Variants in NUP98 observed in about 807,000 individuals in gnomAD.
The protein encoded by NUP98 is nucleoporin 98 and 96 precursor, also known as nuclear pore complex protein Nup98-Nup96.
In NUP98, 26 loss-of-function variants were observed where a neutral mutation model predicts 191.9. The ratio of observed to expected loss-of-function variants is 0.14; its 90% CI spans 0.10 to 0.19. The LOEUF (loss-of-function observed/expected upper bound fraction) is 0.19, where lower values mean the gene tolerates loss of function less well. Among genes scored for constraint, NUP98 ranks in the 10% least tolerant of loss-of-function variants. NUP98 has a pLI of 1.00. For missense variants in NUP98, 1,941 were observed against 2,178.8 expected, an observed-to-expected ratio of 0.89 and a Z score of 2.17; for synonymous variants, 808 against 778.4, an observed-to-expected ratio of 1.04 and a Z score of -0.63.
rs375787731 is a variant in NUP98, at chr11:3,777,454, C to T, written c.355+1419G>A. On this transcript the variant is annotated intron_variant, in intron 4 of 32. Transcript: ENST00000324932. Reference sequence around the variant, plus strand: ...TGGCCAATATGGTGAAACCCCATCTCTACTAAAAATACAAAAATTAGCCAG... The same window carrying T: ...TGGCCAATATGGTGAAACCCCATCTTTACTAAAAATACAAAAATTAGCCAG... Among the ~76,000 whole-genome samples, 11 of 151,854 alleles carry T rather than the reference C, an allele frequency of 7.2e-5. No homozygotes were observed. In the South Asian group the frequency reaches 1.3e-3, roughly 17 times the overall value.
At chr11:3,718,668 T>C (rs1399868063) in intron 18 of NUP98, among the ~76,000 whole-genome samples, 1 of 152,224 alleles carries the variant, frequency 6.6e-6, no homozygotes, top group Non-Finnish European at 1.5e-5. Context: ...TGGTAGGTTA[T>C]GAAGATAAAT....
chr11:3,773,915 G>A (rs1482993365), intron 5 of NUP98, among the ~76,000 whole-genome samples, 176 bp from the exon 6 acceptor site: 1 of 152,100 alleles, frequency 6.6e-6, no homozygotes, highest in East Asian at 1.9e-4. Flanking sequence ...CCTACATCAA[G>A]GTTATCTGAA....
At chr11:3,749,940 T>C (rs1458734479) in intron 11 of NUP98, among the ~76,000 whole-genome samples, 2 of 152,220 alleles carry the variant, frequency 1.3e-5, no homozygotes, top group Non-Finnish European at 1.5e-5. Context: ...ATCTGAAATA[T>C]GCGTATATTC....
chr11:3,702,615 T>C lies in NUP98; in HGVS notation c.3360A>G (p.Leu1120=), dbSNP rs142363587. 3.2e-5 allele frequency: 52 copies of C among 1,613,934 alleles called. No homozygotes were observed. Among genetic ancestry groups the C allele is most frequent in the Non-Finnish European group, 4.1e-5 (48 of 1,180,010 alleles). Residue 1120 remains leucine, a synonymous_variant, in exon 23 of 33, where the codon CTA becomes CTG. Transcript: ENST00000324932. ...CAACACGAAATGAGCGTCCCATGAA[T>C]AGGGCCATGTCCATCAAGAGTTTTC... is the stretch of plus-strand genomic sequence containing the variant. The part of the protein sequence containing the change: ...GKGKLLMDMA[L]FMGRSFRVGW...
chr11:3,680,670 C>T (rs529319513), intron 30 of NUP98, among the ~76,000 whole-genome samples: 46 of 151,922 alleles, frequency 3.0e-4, no homozygotes, highest in Admixed American at 5.9e-4. Context: ...CTCAGCCTCC[C>T]GAATAGCTGC....
chr11:3,747,658 T>C (rs2080557647), intron 11 of NUP98, among the ~76,000 whole-genome samples: 1 of 152,210 alleles, frequency 6.6e-6, no homozygotes, highest in Non-Finnish European at 1.5e-5. Flanking sequence ...CATTTAATAT[T>C]TGTGTAACAA....
At chr11:3,730,395 C>A (rs2079798070) in intron 14 of NUP98, among the ~76,000 whole-genome samples, 1 of 151,366 alleles carries the variant, frequency 6.6e-6, no homozygotes, top group African/African-American at 2.4e-5. Flanking sequence ...CTCACTCTGT[C>A]ACCCAGGCTG....
chr11:3,715,145 C>T (rs1189509147), intron 18 of NUP98, among the ~76,000 whole-genome samples: 1 of 152,164 alleles, frequency 6.6e-6, no homozygotes, highest in Non-Finnish European at 1.5e-5. Flanking sequence ...TTGGCAGACA[C>T]ATGGCAATTT....
In NUP98 at chr11:3,675,583, G is replaced by C. The variant is rs2077782794; in HGVS notation, c.*576C>G. The C allele has an allele frequency of 4.2e-6, 1 of 236,926 alleles. No individual in the cohort carries two copies. The highest frequency in any genetic ancestry group is 2.2e-5 in the African/African-American group (1 of 45,316). The allele number at this position is 236,926 out of a possible 1,614,324, so 14.7% of individuals were successfully genotyped here. A position where few individuals can be genotyped will look rare whatever the true frequency, so the allele number is the denominator to read the frequency against. On this transcript the variant is annotated 3_prime_UTR_variant, in exon 33 of 33. Transcript: ENST00000324932. ...CCTGAAGATCAATCCCTCCGTGACA[G>C]GCATTCACTTCTGCCCTAAGTGTGT...
intron 1 of NUP98, among the ~76,000 whole-genome samples, chr11:3,785,670 A>AAT (rs1370650354): frequency 7.9e-5 from 12 of 152,128 alleles, no homozygotes; most frequent in Admixed American, 3.3e-4. Context: ...AAGGCAGGAG[A>AAT]ATCACTTGAA....
At chr11:3,713,744 A>T (rs142778236) in intron 19 of NUP98, 74 bp downstream of exon 19, 4 of 1,391,428 alleles carry the variant, frequency 2.9e-6, no homozygotes, top group Non-Finnish European at 3.9e-6. Flanking sequence ...TTAGCAAAGG[A>T]TCCCTTCCAA....
At chr11:3,730,039 C>T (rs1195664090) in intron 14 of NUP98, among the ~76,000 whole-genome samples, 1 of 152,010 alleles carries the variant, frequency 6.6e-6, no homozygotes, top group Non-Finnish European at 1.5e-5. Flanking sequence ...GTCAGCAGTT[C>T]AAGACCAGCC....
Position 3,779,185 on chromosome 11 carries a change from C to T in NUP98, c.149G>A (p.Gly50Asp). 1 of 1,614,180 alleles carries T rather than the reference C, an allele frequency of 6.2e-7. No individual in the cohort carries two copies. The change falls in exon 3 of 33, where the codon GGC becomes GAC. Residue 50 changes from glycine to aspartate, a missense_variant. Physicochemically the swap from Gly to Asp is moderately conservative, Grantham distance 94. Around this residue, in one of 6 missense-constraint regions of NUP98, gnomAD observed 154 missense variants for 182.9 expected, o/e 0.84. Transcript: ENST00000324932. ...SAFGSSNNTG[G>D]LFGNSQTKPG... is the part of the protein sequence containing the mutation. ...TTTAGTCTGTGAATTTCCAAAGAGG[C>T]CTCCAGTATTGTTGCTAGAACCAAA...
intron 18 of NUP98, among the ~76,000 whole-genome samples, chr11:3,717,283 C>T (rs2079219777): frequency 6.6e-6 from 1 of 152,162 alleles, no homozygotes; most frequent in Non-Finnish European, 1.5e-5. Flanking sequence ...CAGGCACGAG[C>T]CACTGCACCT....
chr11:3,773,575 C>G (rs2081604621), intron 6 of NUP98, 57 bp downstream of exon 6: 1 of 1,098,740 alleles, frequency 9.1e-7, no homozygotes, highest in Admixed American at 2.3e-5. Flanking sequence ...TTTTTAAAAG[C>G]TGCATTCCAA....
chr11:3,692,081 T>G (rs942909039), intron 27 of NUP98, among the ~76,000 whole-genome samples: 1 of 152,178 alleles, frequency 6.6e-6, no homozygotes, highest in Non-Finnish European at 1.5e-5. Context: ...TGGGTGTTCA[T>G]GCATGCGTGT....
chr11:3,680,569 TCTCA>T (rs2077954060), intron 30 of NUP98, among the ~76,000 whole-genome samples: 5 of 152,082 alleles, frequency 3.3e-5, no homozygotes, highest in Admixed American at 3.3e-4. Context: ...TTTGTTGGGG[TCTCA>T]CTCTCTCACT....
intron 11 of NUP98, among the ~76,000 whole-genome samples, chr11:3,752,557 G>A (rs1283027660): frequency 6.6e-6 from 1 of 150,736 alleles, no homozygotes; most frequent in Non-Finnish European, 1.5e-5. Context: ...AAAAAAGAAG[G>A]AAATGACAGA....
chr11:3,714,984 T>C (rs373407652), intron 18 of NUP98: 9 of 152,294 alleles, frequency 5.9e-5, no homozygotes, highest in African/African-American at 1.7e-4. Flanking sequence ...GATCCTGCTT[T>C]CAATTTTGTA....
Sources: gnomAD v4.1 joint callset for allele counts (sites outside exome capture counted in the v4.1 genomes callset) on GRCh38, gnomAD v4.1.1 for gene constraint, gnomAD v4.1.1 regional missense constraint, MANE v1.5 for transcripts, NCBI Gene and HGNC (gene_info 2026-07-23, HGNC 2026-07-21) for gene names.